Variants in ACOXL observed in about 807,000 individuals in gnomAD.
The protein encoded by ACOXL is acyl-CoA oxidase like.
In ACOXL, 70 loss-of-function variants were observed where a neutral mutation model predicts 71.9. That is an observed-to-expected ratio of 0.97 (90% CI 0.80 to 1.19). The LOEUF is 1.19. Ranked by LOEUF, ACOXL falls within the 50% of genes most tolerant of loss-of-function variation. The pLI is 0.00. For missense variants in ACOXL, 703 were observed against 736.3 expected (o/e 0.95, Z 0.52); for synonymous variants, 253 against 281.6 (o/e 0.90, Z 1.02).
intron 16 of ACOXL, among the ~76,000 whole-genome samples, chr2:111,053,783 C>T (rs2149847408): frequency 6.6e-6 from 1 of 152,304 alleles, no homozygotes; most frequent in South Asian, 2.1e-4. Flanking sequence ...GGAGATAGCC[C>T]CAGCCAGGGG....
intron 12 of ACOXL, among the ~76,000 whole-genome samples, chr2:110,949,839 A>T: frequency 6.6e-6 from 1 of 152,126 alleles, no homozygotes; most frequent in East Asian, 1.9e-4. Context: ...AAATCTACTG[A>T]AAGACAGAGG....
chr2:111,029,430 C>T (rs1439005668), intron 14 of ACOXL, among the ~76,000 whole-genome samples: 2 of 152,194 alleles, frequency 1.3e-5, no homozygotes, highest in Non-Finnish European at 2.9e-5. Context: ...GAGGCCGAGC[C>T]AGAATTTGAC....
At chr2:110,810,212 C>A (rs558349537) in intron 9 of ACOXL, among the ~76,000 whole-genome samples, 8 of 152,152 alleles carry the variant, frequency 5.3e-5, no homozygotes, top group Non-Finnish European at 1.0e-4. Context: ...CACGATCAGG[C>A]CTTTGTCTGT....
At position 110,933,499 on chromosome 2, in the gene ACOXL, GC is replaced by G; in HGVS notation, c.919del (p.Leu307SerfsTer25). The G allele has an allele frequency of 6.2e-7, 1 of 1,613,948 alleles. No homozygotes were observed. Among genetic ancestry groups the G allele is most frequent in the Non-Finnish European group, 8.5e-7 (1 of 1,179,888 alleles). On this transcript the variant is annotated frameshift_variant, in exon 12 of 18. Transcript: ENST00000439055. LOFTEE classifies it high-confidence loss of function. ...TGCTTTGTCCTGCAGGTATGCTGGGGCCCTCCTGGATGAGGATGTCTTCCAG... is the reference window on the plus strand; with the variant it reads ...TGCTTTGTCCTGCAGGTATGCTGGGGCCTCCTGGATGAGGATGTCTTCCAG... Reference protein sequence around the residue: ...ALTFVSRYAGALLDEDVFQGK... With the variant: ...ALTFVSRYAGXLLDEDVFQGK...
intron 10 of ACOXL, among the ~76,000 whole-genome samples, chr2:110,850,759 A>C (rs140160794): frequency 1.3e-5 from 2 of 152,302 alleles, no homozygotes; most frequent in East Asian, 3.9e-4. Context: ...AACACTTTGG[A>C]AGTTTCTTAT....
At chr2:111,031,527 T>G (rs1416352297) in intron 14 of ACOXL, 100 bp from the exon 15 acceptor site, 36 of 1,032,150 alleles carry the variant, frequency 3.5e-5, no homozygotes, top group Non-Finnish European at 4.2e-5. Flanking sequence ...CCATGCTTAA[T>G]GTAGTACTGA....
intron 10 of ACOXL, among the ~76,000 whole-genome samples, chr2:110,860,376 G>A (rs746661992): frequency 7.9e-5 from 12 of 152,200 alleles, no homozygotes; most frequent in Admixed American, 3.9e-4. Context: ...CTCCCAAAGT[G>A]CTGGGATTAC....
At chr2:111,069,768 C>A (rs2067252245) in intron 16 of ACOXL, among the ~76,000 whole-genome samples, 1 of 152,108 alleles carries the variant, frequency 6.6e-6, no homozygotes, top group Admixed American at 6.5e-5. Context: ...CATGAATCAC[C>A]TCTCTGCATG....
intron 10 of ACOXL, among the ~76,000 whole-genome samples, chr2:110,868,838 A>C (rs936389973): frequency 6.6e-6 from 1 of 152,144 alleles, no homozygotes; most frequent in Non-Finnish European, 1.5e-5. Context: ...TGATCCTCCC[A>C]CCTCAGCCTC....
intron 3 of ACOXL, among the ~76,000 whole-genome samples, chr2:110,788,593 C>T (rs1684272973): frequency 6.6e-6 from 1 of 151,984 alleles, no homozygotes; most frequent in South Asian, 2.1e-4. Flanking sequence ...GTACTTCATG[C>T]CACTGAATTG....
chr2:110,793,276 A>T (rs1046684497), intron 3 of ACOXL, among the ~76,000 whole-genome samples: 1 of 151,186 alleles, frequency 6.6e-6, no homozygotes, highest in East Asian at 1.9e-4. Context: ...ACCTCCACAG[A>T]CGGGTCAGCA....
chr2:110,910,504 A>G (rs2059615453), intron 11 of ACOXL, among the ~76,000 whole-genome samples: 1 of 152,210 alleles, frequency 6.6e-6, no homozygotes, highest in Non-Finnish European at 1.5e-5. Context: ...AGGTAAATGT[A>G]TTTTTAACTT....
intron 16 of ACOXL, among the ~76,000 whole-genome samples, chr2:111,065,468 T>C (rs2067020511): frequency 6.6e-6 from 1 of 152,210 alleles, no homozygotes; most frequent in Non-Finnish European, 1.5e-5. Context: ...CGGTGAGCTC[T>C]TAGGGTTCAC....
chr2:110,999,652 C>T (rs2063536437), intron 14 of ACOXL, among the ~76,000 whole-genome samples: 1 of 152,176 alleles, frequency 6.6e-6, no homozygotes, highest in African/African-American at 2.4e-5. Context: ...TACATTATGA[C>T]TTCCATCTTG....
chr2:110,923,380 A>G lies in ACOXL; in HGVS notation c.906-10109A>G, dbSNP rs144816223. Among the ~76,000 whole-genome samples the G allele has an allele frequency of 2.7e-3, 415 of 152,026 alleles. 1 individual carries two copies. The highest frequency in any genetic ancestry group is 4.5e-3 in the Non-Finnish European group (307 of 67,976). On this transcript the variant is annotated intron_variant, in intron 11 of 17. Coordinates refer to ENST00000439055, the MANE Select transcript of ACOXL (RefSeq NM_001142807.4). ...CGTAGGGCCCATCTCCTAACTTTCC[A>G]TGAATGTAGGCTGCCACTCAATTGG...
rs553513301 is a variant in ACOXL, at chr2:110,919,790, A to G, written c.905+10885A>G. On this transcript the variant is annotated intron_variant, in intron 11 of 17. Transcript: ENST00000439055. ...ATAGTTTTTCCTTTTCTAGAATGTC[A>G]TACACACAGAATTGTAAAATATGTA... Among the ~76,000 whole-genome samples the G allele has an allele frequency of 1.3e-5, 2 of 152,336 alleles. 1 individual carries two copies. Among genetic ancestry groups the G allele is most frequent in the South Asian group, 4.1e-4 (2 of 4,830 alleles).
intron 14 of ACOXL, 146 bp from the exon 15 acceptor site, chr2:111,031,481 C>A: frequency 4.6e-6 from 3 of 658,484 alleles, no homozygotes; most frequent in South Asian, 1.9e-5. Flanking sequence ...TTTTGCAGGT[C>A]ACAGAGGCCA....
chr2:111,098,284 A>G (rs1469719895), intron 17 of ACOXL: 1 of 152,178 alleles, frequency 6.6e-6, no homozygotes, highest in Non-Finnish European at 1.5e-5. Context: ...CATAAAATAC[A>G]CTAACACTAG....
At chr2:110,977,341 G>A (rs1299123775) in intron 12 of ACOXL, among the ~76,000 whole-genome samples, 3 of 150,806 alleles carry the variant, frequency 2.0e-5, no homozygotes, top group East Asian at 2.0e-4. Flanking sequence ...AGCCGAGATC[G>A]CCACTGCACC....
Sources: allele counts gnomAD v4.1 joint callset (sites outside exome capture counted in the v4.1 genomes callset), GRCh38; gene constraint gnomAD v4.1.1; transcripts MANE v1.5; gene names NCBI Gene and HGNC (gene_info 2026-07-23, HGNC 2026-07-21).